The following RBFOX1 variants were observed in gnomAD, a reference collection of about 807,000 sequenced individuals.
The protein encoded by RBFOX1 is RNA binding fox-1 homolog 1, also known as RNA binding protein fox-1 homolog 1.
A neutral mutation model predicts 57.7 loss-of-function variants in RBFOX1; 8 were observed. That is an observed-to-expected ratio of 0.14 (90% CI 0.08 to 0.25). The LOEUF (loss-of-function observed/expected upper bound fraction) is 0.25. Among genes scored for constraint, RBFOX1 ranks in the 10% least tolerant of loss-of-function variants. The probability of loss-of-function intolerance (pLI) is 1.00; values close to 1 mark genes in which losing one functional copy is unlikely to be tolerated. For synonymous variants in RBFOX1, 326 were observed against 222.4 expected, an observed-to-expected ratio of 1.47 and a Z score of -4.15; for missense variants, 611 against 548.5, an observed-to-expected ratio of 1.11 and a Z score of -1.14.
downstream of RBFOX1, chr16:5,600,197 A>C (rs1047314830): frequency 1.3e-5 from 2 of 151,458 alleles, no homozygotes; most frequent in African/African-American, 4.8e-5. Flanking sequence ...GCTACTCAGG[A>C]GGCTGAGGCA....
At chr16:7,112,876 T>C (rs1290509349) in intron 4 of RBFOX1, among the ~76,000 whole-genome samples, 3 of 152,108 alleles carry the variant, frequency 2.0e-5, no homozygotes, top group Non-Finnish European at 2.9e-5. Context: ...TGGGGATGAC[T>C]GGGCTATAAT....
intron 3 of RBFOX1, among the ~76,000 whole-genome samples, chr16:6,686,604 T>A (rs1370345661): frequency 1.3e-5 from 2 of 152,188 alleles, no homozygotes; most frequent in African/African-American, 4.8e-5. Context: ...GAGACAGCAG[T>A]GGAGTTGATA....
At chr16:6,687,885 A>T (rs180853729) in intron 3 of RBFOX1, among the ~76,000 whole-genome samples, 1 of 152,340 alleles carries the variant, frequency 6.6e-6, no homozygotes, top group East Asian at 1.9e-4. Flanking sequence ...GAATGATGAC[A>T]CAGTGAATGC....
chr16:6,103,253 C>T (rs140689165), intron 1 of RBFOX1, among the ~76,000 whole-genome samples: 2 of 152,188 alleles, frequency 1.3e-5, no homozygotes, highest in African/African-American at 2.4e-5. Context: ...TGACAGTTAC[C>T]AGTTTTGTGA....
intron 3 of RBFOX1, among the ~76,000 whole-genome samples, chr16:6,729,870 C>G (rs1013997138): frequency 3.9e-5 from 6 of 152,074 alleles, no homozygotes; most frequent in African/African-American, 1.4e-4. Flanking sequence ...AAGAAAGCTG[C>G]TTAGAAACGA....
chr16:5,789,037 T>C (rs780510126), intron 3 of RBFOX1, among the ~76,000 whole-genome samples: 1 of 152,096 alleles, frequency 6.6e-6, no homozygotes, highest in Non-Finnish European at 1.5e-5. Context: ...TCCAAACTAG[T>C]GAAAAGTTTG....
At chr16:7,014,923 A>G (rs1016526202) in intron 3 of RBFOX1, among the ~76,000 whole-genome samples, 3 of 151,922 alleles carry the variant, frequency 2.0e-5, no homozygotes, top group Non-Finnish European at 4.4e-5. Context: ...GGCACTTTTG[A>G]ACATATTGGC....
chr16:6,742,982 T>G (rs2072649008), intron 3 of RBFOX1, among the ~76,000 whole-genome samples: 1 of 152,182 alleles, frequency 6.6e-6, no homozygotes, highest in East Asian at 1.9e-4. Context: ...GTCAATATCA[T>G]ATAGTACAAT....
At chr16:6,118,094 T>C (rs1487427391) in intron 1 of RBFOX1, among the ~76,000 whole-genome samples, 1 of 152,186 alleles carries the variant, frequency 6.6e-6, no homozygotes, top group Admixed American at 6.5e-5. Flanking sequence ...TCACCCATCT[T>C]CTCTGAGTAT....
intron 3 of RBFOX1, among the ~76,000 whole-genome samples, chr16:6,836,040 A>G (rs1242891617): frequency 6.6e-6 from 1 of 152,212 alleles, no homozygotes; most frequent in Non-Finnish European, 1.5e-5. Flanking sequence ...GGAGGAGAAA[A>G]GAAACCTACT....
chr16:7,433,877 G>A (rs1354599002), intron 4 of RBFOX1, among the ~76,000 whole-genome samples: 1 of 152,136 alleles, frequency 6.6e-6, no homozygotes, highest in South Asian at 2.1e-4. Context: ...GGGAGAGAAA[G>A]GTAAATGAGG....
Position 5,820,741 on chromosome 16 carries a change from G to A in RBFOX1, c.319-46562G>A, listed in dbSNP as rs116226358. 6.0e-3 allele frequency among the ~76,000 whole-genome samples: 918 copies of A among 152,232 alleles called. 11 individuals are homozygous for A. Among genetic ancestry groups the A allele is most frequent in the African/African-American group, 0.021 (879 of 41,534 alleles). On this transcript the variant is annotated intron_variant, in intron 3 of 19. Coordinates refer to the RBFOX1 transcript ENST00000641259. Reference sequence around the variant, plus strand: ...GCGTCCTGAGTGACACCGTTCCCCCGTCTGTCTCCTGTGCTCTCCCAGCCT... The same window carrying A: ...GCGTCCTGAGTGACACCGTTCCCCCATCTGTCTCCTGTGCTCTCCCAGCCT...
chr16:7,552,030 T>C (rs2086706417), intron 5 of RBFOX1, among the ~76,000 whole-genome samples: 1 of 152,184 alleles, frequency 6.6e-6, no homozygotes, highest in Non-Finnish European at 1.5e-5. Flanking sequence ...TCAGGGCAGG[T>C]ATTTTTACCC....
chr16:5,991,856 G>C lies in RBFOX1; in HGVS notation c.351+124521G>C, dbSNP rs117386498. Among the ~76,000 whole-genome samples the C allele has an allele frequency of 5.7e-3, 871 of 151,920 alleles. 27 individuals are homozygous for C. The highest frequency in any genetic ancestry group is 0.042 in the Admixed American group (637 of 15,248). ...GTTGCAGGGCTGGGAAATTAGATATGGTGTATCTGATGCTCTAGCACCTGA... is the reference window on the plus strand; with the variant it reads ...GTTGCAGGGCTGGGAAATTAGATATCGTGTATCTGATGCTCTAGCACCTGA... On this transcript the variant is annotated intron_variant, in intron 4 of 19. Coordinates refer to the RBFOX1 transcript ENST00000641259.
At chr16:5,648,104 C>T (rs918006694) in intron 3 of RBFOX1, among the ~76,000 whole-genome samples, 1 of 152,190 alleles carries the variant, frequency 6.6e-6, no homozygotes, top group African/African-American at 2.4e-5. Context: ...AAGTGATCAG[C>T]CTGCCTCTAC....
chr16:7,116,959 G>T (rs1033133341), intron 4 of RBFOX1, among the ~76,000 whole-genome samples: 1 of 152,156 alleles, frequency 6.6e-6, no homozygotes. Context: ...GAAGAATCAG[G>T]TAGGGAAAGT....
chr16:6,977,565 C>G (rs940068757), intron 3 of RBFOX1, among the ~76,000 whole-genome samples: 5 of 152,080 alleles, frequency 3.3e-5, no homozygotes, highest in Non-Finnish European at 7.3e-5. Context: ...CAATTGGACA[C>G]ACGTCTGTGG....
chr16:7,102,721 A>C (rs1373026560), intron 4 of RBFOX1, among the ~76,000 whole-genome samples: 3 of 152,202 alleles, frequency 2.0e-5, no homozygotes, highest in African/African-American at 7.2e-5. Context: ...AGAAAGTACA[A>C]TTTATAAAGT....
chr16:6,940,851 C>CTGTG (rs1009221597), intron 3 of RBFOX1, among the ~76,000 whole-genome samples: 12 of 126,894 alleles, frequency 9.5e-5, no homozygotes, highest in Non-Finnish European at 1.2e-4. Flanking sequence ...TCCGGCTAGT[C>CTGTG]TGTGTGTGTG....
Sources: allele counts gnomAD v4.1 joint callset (sites outside exome capture counted in the v4.1 genomes callset), GRCh38; gene constraint gnomAD v4.1.1; transcripts MANE v1.5; gene names NCBI Gene and HGNC (gene_info 2026-07-23, HGNC 2026-07-21).